Variants in DLG2 observed in about 807,000 individuals in gnomAD.
DLG2 encodes the protein discs large MAGUK scaffold protein 2, also known as disks large homolog 2.
In DLG2, 45 loss-of-function variants were observed where a neutral mutation model predicts 132.5. That is an observed-to-expected ratio of 0.34 (90% CI 0.27 to 0.44). DLG2 has a LOEUF of 0.44. DLG2 is among the 20% of genes least tolerant of loss of function. The pLI is 1.00. For synonymous variants in DLG2, 424 were observed against 419.6 expected, an observed-to-expected ratio of 1.01 and a Z score of -0.13; for missense variants, 1,045 against 1,196.9, an observed-to-expected ratio of 0.87 and a Z score of 1.87.
chr11:83,645,900 G>A (rs1201976429), intron 18 of DLG2: 2 of 152,106 alleles, frequency 1.3e-5, no homozygotes, highest in Non-Finnish European at 2.9e-5. Flanking sequence ...GTCTGTGCCT[G>A]AATTTTGTGG....
chr11:84,029,506 C>T (rs2095632955), intron 11 of DLG2, among the ~76,000 whole-genome samples: 1 of 152,036 alleles, frequency 6.6e-6, no homozygotes, highest in Non-Finnish European at 1.5e-5. Context: ...TGCACTCCTC[C>T]TCCAAGAGAG....
rs1020595732 is a variant in DLG2, at chr11:83,458,546, C to T, written c.*1272G>A. On this transcript the variant is annotated 3_prime_UTR_variant, in exon 28 of 28. Transcript: ENST00000376104. The stretch of plus-strand genomic sequence containing the variant: ...ATAGTGCATCTAGGAACAGATCTCT[C>T]ATTGGCTCTAGTACCATCTCTGGAT... 1.3e-5 allele frequency: 2 copies of T among 152,616 alleles called. No individual in the cohort carries two copies. Among genetic ancestry groups the T allele is most frequent in the Non-Finnish European group, 2.9e-5 (2 of 68,106 alleles). 9.5% of individuals were successfully genotyped at this position (152,616 alleles called of 1,614,324 possible).
chr11:84,999,363 A>G (rs1476275948), intron 6 of DLG2, among the ~76,000 whole-genome samples: 2 of 152,136 alleles, frequency 1.3e-5, no homozygotes, highest in African/African-American at 4.8e-5. Context: ...TGCTTATTAC[A>G]TGTTTTAAAG....
chr11:84,893,683 G>C (rs1378939587), intron 6 of DLG2, among the ~76,000 whole-genome samples: 1 of 152,122 alleles, frequency 6.6e-6, no homozygotes, highest in Non-Finnish European at 1.5e-5. Context: ...GCTTGTTTTA[G>C]AACTTTAAAA....
chr11:83,766,679 C>T (rs2094160766), intron 18 of DLG2, among the ~76,000 whole-genome samples: 1 of 152,084 alleles, frequency 6.6e-6, no homozygotes, highest in Non-Finnish European at 1.5e-5. Context: ...GCTATTGTCT[C>T]TTAGAATCTT....
intron 6 of DLG2, among the ~76,000 whole-genome samples, chr11:85,087,275 T>A (rs2068061451): frequency 6.6e-6 from 1 of 152,098 alleles, no homozygotes; most frequent in South Asian, 2.1e-4. Flanking sequence ...ATTAGGAGTA[T>A]GAGAGAGTGA....
intron 4 of DLG2, among the ~76,000 whole-genome samples, chr11:85,174,882 C>T (rs1337171588): frequency 6.6e-6 from 1 of 152,022 alleles, no homozygotes; most frequent in Non-Finnish European, 1.5e-5. Context: ...TTGATAAATT[C>T]CTGGACACAT....
intron 18 of DLG2, among the ~76,000 whole-genome samples, chr11:83,633,651 G>A (rs1272048560): frequency 6.6e-6 from 1 of 151,678 alleles, no homozygotes; most frequent in African/African-American, 2.4e-5. Context: ...AACAGGCAAT[G>A]TAAAGTATCC....
At chr11:85,479,806 T>A (rs2153087629) in intron 3 of DLG2, among the ~76,000 whole-genome samples, 1 of 152,302 alleles carries the variant, frequency 6.6e-6, no homozygotes, top group South Asian at 2.1e-4. Context: ...GAGGAAAGGA[T>A]CTGTGCCAAG....
chr11:85,342,423 T>C (rs1385882135), intron 3 of DLG2, among the ~76,000 whole-genome samples: 1 of 152,166 alleles, frequency 6.6e-6, no homozygotes, highest in Non-Finnish European at 1.5e-5. Context: ...CCTGCATATT[T>C]TGCCCCACTG....
intron 9 of DLG2, among the ~76,000 whole-genome samples, chr11:84,131,513 A>G (rs2154217807): frequency 6.6e-6 from 1 of 152,022 alleles, no homozygotes; most frequent in South Asian, 2.1e-4. Context: ...ATAGAATTTC[A>G]TTCATTCATT....
intron 4 of DLG2, among the ~76,000 whole-genome samples, chr11:85,278,030 C>G (rs2077999617): frequency 6.6e-6 from 1 of 152,152 alleles, no homozygotes; most frequent in Non-Finnish European, 1.5e-5. Context: ...AATTAAGGCT[C>G]TCAAGCAGAC....
At chr11:84,292,152 A>G (rs528548088) in intron 7 of DLG2, among the ~76,000 whole-genome samples, 1 of 152,354 alleles carries the variant, frequency 6.6e-6, no homozygotes, top group East Asian at 1.9e-4. Flanking sequence ...ACAGACAAAA[A>G]GAAATGTCAC....
chr11:84,970,204 T>G (rs2053891327), intron 6 of DLG2, among the ~76,000 whole-genome samples: 1 of 152,122 alleles, frequency 6.6e-6, no homozygotes. Context: ...CTTCTTTCCA[T>G]TCCCTCTGAC....
chr11:84,682,913 T>C (rs1252968265), intron 6 of DLG2, among the ~76,000 whole-genome samples: 3 of 152,152 alleles, frequency 2.0e-5, no homozygotes. Context: ...CAATACTGGA[T>C]CTATCACTGG....
intron 17 of DLG2, chr11:83,791,597 C>G (rs1367790913): frequency 3.8e-5 from 16 of 421,768 alleles, no homozygotes; most frequent in Admixed American, 1.5e-4. Context: ...GTTACCTAAT[C>G]CAACGGATGA....
intron 18 of DLG2, among the ~76,000 whole-genome samples, chr11:83,756,482 G>A (rs1737566838): frequency 1.3e-5 from 2 of 151,486 alleles, no homozygotes; most frequent in Non-Finnish European, 2.9e-5. Flanking sequence ...AAGCGTAGTA[G>A]TTTCAAGTCC....
At chr11:84,484,058 C>T (rs1324791011) in intron 7 of DLG2, among the ~76,000 whole-genome samples, 1 of 152,154 alleles carries the variant, frequency 6.6e-6, no homozygotes, top group Non-Finnish European at 1.5e-5. Flanking sequence ...GGTCATTAGA[C>T]TTCAGACCAA....
At chr11:84,461,577 T>A (rs1360473457) in intron 7 of DLG2, among the ~76,000 whole-genome samples, 1 of 151,080 alleles carries the variant, frequency 6.6e-6, no homozygotes, top group African/African-American at 2.4e-5. Flanking sequence ...ACAAAAATGT[T>A]TTTAAAAATT....
Sources: gnomAD v4.1 joint callset for allele counts (sites outside exome capture counted in the v4.1 genomes callset) on GRCh38, gnomAD v4.1.1 for gene constraint, MANE v1.5 for transcripts, NCBI Gene and HGNC (gene_info 2026-07-23, HGNC 2026-07-21) for gene names.